The following WDR19 variants were observed in gnomAD, a reference collection of about 807,000 sequenced individuals.
WDR19 encodes WD repeat domain 19.
In WDR19, 121 loss-of-function variants were observed where a neutral mutation model predicts 180.0. The observed-to-expected ratio is 0.67, with a 90% CI of 0.58 to 0.78. The LOEUF is 0.78. Among genes scored for constraint, WDR19 ranks in the 30% least tolerant of loss-of-function variants. The probability of loss-of-function intolerance (pLI) is 0.00; values close to 1 mark genes in which losing one functional copy is unlikely to be tolerated. For missense variants in WDR19, 1,450 were observed against 1,640.7 expected, an observed-to-expected ratio of 0.88 and a Z score of 2.01; for synonymous variants, 497 against 540.7, an observed-to-expected ratio of 0.92 and a Z score of 1.12.
At chr4:39,232,701 CAAA>C (rs552621075) in intron 19 of WDR19, among the ~76,000 whole-genome samples, 3 of 106,360 alleles carry the variant, frequency 2.8e-5, no homozygotes, top group Non-Finnish European at 3.9e-5. Context: ...GACTCCGTCT[CAAA>C]AAAAAAAAAA....
intron 24 of WDR19, among the ~76,000 whole-genome samples, chr4:39,246,286 A>G (rs749132733): frequency 6.6e-6 from 1 of 152,220 alleles, no homozygotes; most frequent in Non-Finnish European, 1.5e-5. Context: ...CAAGAGGATC[A>G]CTTGAGGCCA....
In WDR19 at chr4:39,274,698, A is replaced by T. The variant is rs993425779; in HGVS notation, c.3566-110A>T. 6 of 1,329,284 alleles carry T rather than the reference A, an allele frequency of 4.5e-6. No homozygotes were observed. In the Admixed American group the frequency reaches 1.3e-4, roughly 29 times the overall value. The allele number at this position is 1,329,284 out of a possible 1,614,324, so 82.3% of individuals were successfully genotyped here. A position where few individuals can be genotyped will look rare whatever the true frequency, so the allele number is the denominator to read the frequency against. On this transcript the variant is annotated intron_variant, in intron 32 of 36. Coordinates refer to ENST00000399820, the MANE Select transcript of WDR19 (RefSeq NM_025132.4). The stretch of plus-strand genomic sequence containing the variant: ...ATCTGGTTCTTTGCAGAAAAAGCAA[A>T]GTTCAGAGACCATGACCCTGTTTTC...
In WDR19 at chr4:39,224,974, C is replaced by G; in HGVS notation, c.1570C>G (p.Pro524Ala). 6.3e-7 allele frequency: 1 copy of G among 1,575,456 alleles called. No individual in the cohort carries two copies. The highest frequency in any genetic ancestry group is 2.3e-5 in the East Asian group (1 of 43,878). The change falls in exon 15 of 37, where the codon CCA (proline) becomes GCA (alanine). Residue 524 changes from proline to alanine, a missense_variant. Pro to Ala is a conservative substitution (Grantham distance 27). Coordinates refer to ENST00000399820, the MANE Select transcript of WDR19 (RefSeq NM_025132.4). ...PVSVKKIFPD[P>A]NGTRLVFIDE... ...CAGTGTGAAAAAGATTTTTCCCGAC[C>G]CAAATGGGACCAGATTAGTTTTCAT... is the stretch of plus-strand genomic sequence containing the variant.
At chr4:39,281,236 T>TATAGAGAGAGAGAGAGAGAGAGAGAG (rs762298152) in intron 36 of WDR19, among the ~76,000 whole-genome samples, 33 of 103,962 alleles carry the variant, frequency 3.2e-4, no homozygotes, top group African/African-American at 1.3e-3. Context: ...TATATATATA[T>TATAGAGAGAGAGAGAGAGAGAGAGAG]AGAGAGAGAG....
At chr4:39,183,202 T>A (rs1725134386) in intron 1 of WDR19, among the ~76,000 whole-genome samples, 1 of 149,616 alleles carries the variant, frequency 6.7e-6, no homozygotes, top group Admixed American at 6.7e-5. Context: ...ACTTTCTGAT[T>A]TATCAGAGCA....
intron 36 of WDR19, among the ~76,000 whole-genome samples, chr4:39,284,957 G>A (rs1454007095): frequency 6.6e-6 from 1 of 152,050 alleles, no homozygotes; most frequent in East Asian, 1.9e-4. Context: ...GCTGAGGCAT[G>A]AGGATCACTT....
intron 1 of WDR19, among the ~76,000 whole-genome samples, chr4:39,184,144 C>A (rs535394111): frequency 5.6e-4 from 86 of 152,254 alleles, no homozygotes; most frequent in African/African-American, 2.0e-3. Context: ...CGGTGGCTCA[C>A]GCCTGTAATC....
chr4:39,274,819 A>G lies in WDR19; in HGVS notation c.3577A>G (p.Ile1193Val), dbSNP rs1735737966. The change falls in exon 33 of 37, where the codon ATC becomes GTC. Residue 1193 changes from isoleucine to valine, a missense_variant. Ile to Val is a conservative substitution (Grantham distance 29, BLOSUM62 3). Coordinates refer to ENST00000399820, the MANE Select transcript of WDR19 (RefSeq NM_025132.4). Reference sequence around the variant, plus strand: ...CTTTTCTCTTGCAGACATTGTACCCATCCTGACGTCAACTGTGATTGAGTG... The same window carrying G: ...CTTTTCTCTTGCAGACATTGTACCCGTCCTGACGTCAACTGTGATTGAGTG... ...ISKFPSHIVP[I>V]LTSTVIECHR... 1 of 1,613,672 alleles carries G rather than the reference A, an allele frequency of 6.2e-7. No homozygotes were observed. The highest frequency in any genetic ancestry group is 1.3e-5 in the African/African-American group (1 of 75,038).
At chr4:39,183,249 G>GTTTTTTTTTTTTTTTTTT (rs1345010491) in intron 1 of WDR19, among the ~76,000 whole-genome samples, 1 of 22,718 alleles carries the variant, frequency 4.4e-5, no homozygotes, top group Non-Finnish European at 1.0e-4. Context: ...GAAATGGAAG[G>GTTTTTTTTTTTTTTTTTT]CTTTTTTTTT....
At chr4:39,222,657 T>C (rs1181120543) in intron 14 of WDR19, among the ~76,000 whole-genome samples, 2 of 152,218 alleles carry the variant, frequency 1.3e-5, no homozygotes, top group Non-Finnish European at 2.9e-5. Flanking sequence ...AGATTATCCT[T>C]CTCTATCTTG....
intron 21 of WDR19, among the ~76,000 whole-genome samples, chr4:39,242,661 A>G (rs1241179244): frequency 6.6e-6 from 1 of 151,752 alleles, no homozygotes; most frequent in Non-Finnish European, 1.5e-5. Flanking sequence ...CATCTCTACA[A>G]ATTTATTTGT....
intron 9 of WDR19, among the ~76,000 whole-genome samples, chr4:39,210,369 G>C (rs1329660931): frequency 6.6e-6 from 1 of 152,154 alleles, no homozygotes; most frequent in African/African-American, 2.4e-5. Context: ...ATATCAAATG[G>C]TTCAATATTT....
chr4:39,248,931 AT>A (rs1435189299), intron 24 of WDR19, among the ~76,000 whole-genome samples: 1 of 152,206 alleles, frequency 6.6e-6, no homozygotes, highest in Non-Finnish European at 1.5e-5. Flanking sequence ...CACTGTCAAC[AT>A]TAGACAGATC....
intron 9 of WDR19, among the ~76,000 whole-genome samples, chr4:39,211,391 GA>G (rs1010161903): frequency 3.9e-5 from 6 of 152,066 alleles, no homozygotes; most frequent in Non-Finnish European, 8.8e-5. Flanking sequence ...AAGGAAGAAG[GA>G]AAACTATCTC....
chr4:39,190,706 T>G (rs1726063934), intron 4 of WDR19, among the ~76,000 whole-genome samples: 2 of 152,206 alleles, frequency 1.3e-5, no homozygotes, highest in South Asian at 4.1e-4. Context: ...TGTAGTGCCT[T>G]TGACCCTCCA....
Position 39,278,533 on chromosome 4 carries a change from A to G in WDR19, c.3918-6A>G. On this transcript the variant is annotated splice_region_variant and splice_polypyrimidine_tract_variant and intron_variant, in intron 35 of 36. Coordinates refer to ENST00000399820, the MANE Select transcript of WDR19 (RefSeq NM_025132.4). Reference sequence around the variant, plus strand: ...AATTTACTCTGCCTTTCCCTCCCCTAAACAGCATGCTAAACACTGAAAGCA... The same window carrying G: ...AATTTACTCTGCCTTTCCCTCCCCTGAACAGCATGCTAAACACTGAAAGCA... 1 of 1,607,550 alleles carries G rather than the reference A, an allele frequency of 6.2e-7. No homozygotes were observed. The highest frequency in any genetic ancestry group is 8.5e-7 in the Non-Finnish European group (1 of 1,175,808).
intron 9 of WDR19, among the ~76,000 whole-genome samples, chr4:39,207,009 C>G (rs1295284038): frequency 6.6e-6 from 1 of 152,140 alleles, no homozygotes; most frequent in East Asian, 1.9e-4. Context: ...AGAATTTTAA[C>G]TCGCTCAGGA....
intron 20 of WDR19, chr4:39,237,887 G>A (rs529048538): frequency 3.9e-5 from 6 of 152,172 alleles, no homozygotes; most frequent in African/African-American, 9.6e-5. Flanking sequence ...GTAAGCCCTC[G>A]GACCATCCAG....
At chr4:39,216,333 T>C (rs1476314439) in intron 12 of WDR19, 123 bp downstream of exon 12, 1 of 804,974 alleles carries the variant, frequency 1.2e-6, no homozygotes, top group African/African-American at 1.8e-5. Context: ...ATCTCATTCT[T>C]AGCTTAAATG....
Sources: gnomAD v4.1 joint callset for allele counts (sites outside exome capture counted in the v4.1 genomes callset) on GRCh38, gnomAD v4.1.1 for gene constraint, MANE v1.5 for transcripts, NCBI Gene and HGNC (gene_info 2026-07-23, HGNC 2026-07-21) for gene names.